The following PDE6C variants were observed in gnomAD, a reference collection of about 807,000 sequenced individuals.
PDE6C encodes the protein phosphodiesterase 6C.
In PDE6C, 75 loss-of-function variants were observed where a neutral mutation model predicts 113.1. The ratio of observed to expected loss-of-function variants is 0.66; its 90% confidence interval spans 0.55 to 0.80. PDE6C has a LOEUF of 0.80. Ranked by LOEUF, PDE6C falls within the 30% of genes least tolerant of loss-of-function variation. The probability of loss-of-function intolerance (pLI) is 0.00; values close to 1 mark genes in which losing one functional copy is unlikely to be tolerated. For missense variants in PDE6C, 912 were observed against 1,038.6 expected (o/e 0.88, Z 1.67); for synonymous variants, 375 against 363.7 (o/e 1.03, Z -0.35).
At chr10:93,636,009 C>T (rs998285197) in intron 10 of PDE6C, among the ~76,000 whole-genome samples, 1 of 152,222 alleles carries the variant, frequency 6.6e-6, no homozygotes, top group Non-Finnish European at 1.5e-5. Flanking sequence ...ATCTCTCACT[C>T]ACATTTGTGG....
At chr10:93,613,519 G>A (rs938478545) in intron 1 of PDE6C, among the ~76,000 whole-genome samples, 2 of 152,056 alleles carry the variant, frequency 1.3e-5, no homozygotes, top group African/African-American at 2.4e-5. Context: ...CCTCCCTTAC[G>A]CCTCCTCCAG....
At chr10:93,631,191 T>C (rs1422026190) in intron 8 of PDE6C, among the ~76,000 whole-genome samples, 1 of 152,164 alleles carries the variant, frequency 6.6e-6, no homozygotes, top group Non-Finnish European at 1.5e-5. Flanking sequence ...CAGTGTGGGA[T>C]AAACCTCCAG....
intron 18 of PDE6C, among the ~76,000 whole-genome samples, chr10:93,660,852 CTCCTAATAGA>C (rs1285487349): frequency 6.6e-6 from 1 of 152,038 alleles, no homozygotes; most frequent in Non-Finnish European, 1.5e-5. Context: ...TGGTAGCAGC[CTCCTAATAGA>C]TGCTCACATC....
chr10:93,640,164 T>C lies in PDE6C; in HGVS notation c.1577T>C (p.Ile526Thr), dbSNP rs1374353987. The C allele has an allele frequency of 6.2e-7, 1 of 1,613,602 alleles. No individual in the cohort carries two copies. Among genetic ancestry groups the C allele is most frequent in the South Asian group, 1.1e-5 (1 of 91,058 alleles). Residue 526 changes from isoleucine to threonine, a missense_variant, in exon 12 of 22, where the codon ATA (isoleucine) becomes ACA (threonine). By Grantham distance (89) the Ile-to-Thr change is moderately conservative. Transcript: ENST00000371447. ...LTEHGLIKCG[I>T]RLFFEINVVE... Reference sequence around the variant, plus strand: ...GAGCACGGATTGATTAAATGTGGAATACGACTGTTTTTTGAAATAAATGTG... The same window carrying C: ...GAGCACGGATTGATTAAATGTGGAACACGACTGTTTTTTGAAATAAATGTG...
rs1273419901 is a variant in PDE6C at position 93,620,778 on chromosome 10, T to C, written c.627T>C (p.Asp209=). 60 of 1,614,022 alleles carry C rather than the reference T, an allele frequency of 3.7e-5. No homozygotes were observed. Among genetic ancestry groups the C allele is most frequent in the Non-Finnish European group, 5.1e-5 (60 of 1,180,030 alleles). The part of the protein sequence containing the change: ...KVNASEFSKQ[D]EEVFSKYLNF... ...ATGCATCTGAATTTTCCAAACAGGA[T>C]GAAGAGGTAATGCTAACCCTGGGCA... The change falls in exon 2 of 22, where the codon GAT becomes GAC. Residue 209 remains aspartate (D), a synonymous_variant. Coordinates refer to ENST00000371447, the MANE Select transcript of PDE6C (RefSeq NM_006204.4).
At chr10:93,628,654 T>G (rs893252976) in intron 7 of PDE6C, among the ~76,000 whole-genome samples, 10 of 152,204 alleles carry the variant, frequency 6.6e-5, no homozygotes, top group African/African-American at 2.4e-4. Flanking sequence ...GACATGGTCT[T>G]TTATTAAGAT....
Position 93,649,899 on chromosome 10 carries a change from C to G in PDE6C, c.1935+3852C>G, listed in dbSNP as rs1276096847. On this transcript the variant is annotated intron_variant, in intron 15 of 21. Transcript: ENST00000371447. ...GGATTACAGGTGTGAGCCACCATGC[C>G]TAGCCTAAACTGCATCTCTAGAGTG... 2.0e-4 allele frequency among the ~76,000 whole-genome samples: 30 copies of G among 152,184 alleles called. 1 individual carries two copies. Among genetic ancestry groups the G allele is most frequent in the Admixed American group, 2.0e-3 (30 of 15,280 alleles).
At chr10:93,636,365 GCTTT>G (rs1392338015) in intron 10 of PDE6C, among the ~76,000 whole-genome samples, 328 of 23,410 alleles carry the variant, frequency 0.014, 5 homozygotes, top group Middle Eastern at 0.031. Context: ...TATTTCCCTG[GCTTT>G]GTGTGTGTGT....
chr10:93,662,939 C>G (rs2058672715), intron 20 of PDE6C, 89 bp from the exon 21 acceptor site: 1 of 1,174,686 alleles, frequency 8.5e-7, no homozygotes, highest in African/African-American at 1.5e-5. Context: ...AGTGCTGTAA[C>G]AATTCCTTAC....
chr10:93,665,280 C>T, intron 21 of PDE6C, 80 bp from the exon 22 acceptor site: 2 of 1,047,216 alleles, frequency 1.9e-6, no homozygotes, highest in South Asian at 2.5e-5. Context: ...AAAGTTGACA[C>T]TACTATCATG....
chr10:93,614,915 G>C (rs889879078), intron 1 of PDE6C, among the ~76,000 whole-genome samples: 10 of 152,174 alleles, frequency 6.6e-5, no homozygotes, highest in African/African-American at 2.4e-4. Flanking sequence ...TCACGAGAAA[G>C]AGACCTCATT....
At chr10:93,629,163 C>T (rs565384638) in intron 7 of PDE6C, 95 bp from the exon 8 acceptor site, 8 of 1,027,896 alleles carry the variant, frequency 7.8e-6, no homozygotes, top group South Asian at 5.0e-5. Context: ...GTAGAAAATC[C>T]TCACTCCCAA....
chr10:93,665,844 C>T lies in PDE6C; in HGVS notation c.*426C>T. ...AGGGTTGGTTTCTTGGGAGGCCTCT[C>T]AACTTGGTTTGCAGATGGCCATCTT... On this transcript the variant is annotated 3_prime_UTR_variant, in exon 22 of 22. Coordinates refer to ENST00000371447, the MANE Select transcript of PDE6C (RefSeq NM_006204.4). 1 of 254,702 alleles carries T rather than the reference C, an allele frequency of 3.9e-6. No homozygotes were observed. Among genetic ancestry groups the T allele is most frequent in the Non-Finnish European group, 7.6e-6 (1 of 131,944 alleles). 15.8% of individuals were successfully genotyped at this position (254,702 alleles called of 1,614,324 possible).
At chr10:93,631,967 T>G (rs917134731) in intron 8 of PDE6C, among the ~76,000 whole-genome samples, 2 of 152,218 alleles carry the variant, frequency 1.3e-5, no homozygotes, top group Non-Finnish European at 2.9e-5. Flanking sequence ...ATGAGTCTTC[T>G]TGGGCTAAAA....
At chr10:93,658,740 T>C (rs531225582) in intron 16 of PDE6C, among the ~76,000 whole-genome samples, 161 bp from the exon 17 acceptor site, 4 of 147,976 alleles carry the variant, frequency 2.7e-5, no homozygotes, top group Admixed American at 2.0e-4. Flanking sequence ...GCCAAAGTTA[T>C]ACCACCATTC....
intron 21 of PDE6C, 28 bp downstream of exon 21, chr10:93,663,206 G>C: frequency 2.5e-6 from 4 of 1,608,628 alleles, no homozygotes; most frequent in Admixed American, 3.4e-5. Context: ...TTTGCTCCCT[G>C]TAATGTAGCC....
chr10:93,636,365 G>GGGGTGTGT (rs1554890047), intron 10 of PDE6C, among the ~76,000 whole-genome samples: 2 of 23,394 alleles, frequency 8.5e-5, no homozygotes, highest in Admixed American at 5.1e-4. Flanking sequence ...TATTTCCCTG[G>GGGGTGTGT]CTTTGTGTGT....
intron 16 of PDE6C, among the ~76,000 whole-genome samples, chr10:93,658,193 GAA>G (rs1564805668): frequency 3.3e-5 from 3 of 90,042 alleles, no homozygotes; most frequent in African/African-American, 8.6e-5. Flanking sequence ...AAAAAAAAAA[GAA>G]AAAGAAAAAG....
chr10:93,649,461 C>A (rs2058599623), intron 15 of PDE6C, among the ~76,000 whole-genome samples: 1 of 152,110 alleles, frequency 6.6e-6, no homozygotes. Flanking sequence ...GTCTAATGAA[C>A]CTCATTGCAG....
Sources: gnomAD v4.1 joint callset for allele counts (sites outside exome capture counted in the v4.1 genomes callset) on GRCh38, gnomAD v4.1.1 for gene constraint, MANE v1.5 for transcripts, NCBI Gene and HGNC (gene_info 2026-07-23, HGNC 2026-07-21) for gene names.